The following CARMIL1 variants were observed in gnomAD, a reference collection of about 807,000 sequenced individuals.
The protein encoded by CARMIL1 is capping protein regulator and myosin 1 linker 1, also known as F-actin-uncapping protein LRRC16A.
CARMIL1 carries 90 observed loss-of-function variants against 177.1 expected under a neutral mutation model. The observed-to-expected ratio is 0.51, with a 90% CI of 0.43 to 0.61. The LOEUF (loss-of-function observed/expected upper bound fraction) is 0.61. CARMIL1 is among the 20% of genes least tolerant of loss of function. The pLI, the probability that CARMIL1 is intolerant of heterozygous loss-of-function variation, is 0.00. For missense variants in CARMIL1, 1,380 were observed against 1,667.0 expected, an observed-to-expected ratio of 0.83 and a Z score of 3.00; for synonymous variants, 577 against 606.2, an observed-to-expected ratio of 0.95 and a Z score of 0.71.
chr6:25,443,846 C>T (rs1021151513), intron 5 of CARMIL1, among the ~76,000 whole-genome samples: 2 of 151,662 alleles, frequency 1.3e-5, no homozygotes, highest in Admixed American at 6.6e-5. Context: ...TCTTGTTGCT[C>T]AGGCTAGAGT....
At chr6:25,456,494 T>C (rs1437136738) in intron 8 of CARMIL1, among the ~76,000 whole-genome samples, 1 of 152,172 alleles carries the variant, frequency 6.6e-6, no homozygotes, top group Non-Finnish European at 1.5e-5. Flanking sequence ...AGTTGGCATT[T>C]TATTTAAGTA....
intron 22 of CARMIL1, among the ~76,000 whole-genome samples, chr6:25,518,517 G>A (rs1806235142): frequency 2.0e-5 from 3 of 152,114 alleles, no homozygotes; most frequent in Non-Finnish European, 4.4e-5. Flanking sequence ...TAGGGGTAAG[G>A]CAGCTTAGAC....
intron 2 of CARMIL1, among the ~76,000 whole-genome samples, chr6:25,318,047 G>A (rs1273637592): frequency 6.6e-6 from 1 of 152,186 alleles, no homozygotes; most frequent in Non-Finnish European, 1.5e-5. Flanking sequence ...TTGACCTTGT[G>A]TGAGCATCAG....
intron 5 of CARMIL1, among the ~76,000 whole-genome samples, chr6:25,441,097 C>T (rs1797701741): frequency 6.6e-6 from 1 of 151,998 alleles, no homozygotes; most frequent in African/African-American, 2.4e-5. Flanking sequence ...TCATTCAAAT[C>T]AAATATATGA....
At chr6:25,574,089 A>T (rs1234636916) in intron 29 of CARMIL1, among the ~76,000 whole-genome samples, 2 of 152,162 alleles carry the variant, frequency 1.3e-5, no homozygotes, top group Admixed American at 6.5e-5. Flanking sequence ...CCAAGCTATT[A>T]TGATCTGGTT....
At chr6:25,331,194 C>G (rs1266992039) in intron 2 of CARMIL1, among the ~76,000 whole-genome samples, 1 of 152,132 alleles carries the variant, frequency 6.6e-6, no homozygotes, top group African/African-American at 2.4e-5. Flanking sequence ...GCTGTCAAAA[C>G]AACTTTTCTT....
At chr6:25,511,473 T>A (rs976220739) in intron 20 of CARMIL1, among the ~76,000 whole-genome samples, 7 of 152,170 alleles carry the variant, frequency 4.6e-5, no homozygotes, top group Non-Finnish European at 1.0e-4. Context: ...CCTCTCAAAG[T>A]CCTATTTGGT....
chr6:25,520,184 C>A (rs1582226594), intron 22 of CARMIL1, 60 bp from the exon 23 acceptor site: 1 of 799,594 alleles, frequency 1.3e-6, no homozygotes, highest in Non-Finnish European at 2.0e-6. Flanking sequence ...AAGAAGAGTG[C>A]TGAATTAAGG....
intron 2 of CARMIL1, among the ~76,000 whole-genome samples, chr6:25,350,196 G>A (rs1206981724): frequency 6.6e-6 from 1 of 152,160 alleles, no homozygotes; most frequent in Non-Finnish European, 1.5e-5. Context: ...GAAAGAGGAT[G>A]CAGTATTAAC....
At chr6:25,361,385 T>C (rs1477056647) in intron 2 of CARMIL1, among the ~76,000 whole-genome samples, 1 of 151,168 alleles carries the variant, frequency 6.6e-6, no homozygotes, top group African/African-American at 2.4e-5. Context: ...TTTCCCCCCC[T>C]GCACACTCCT....
chr6:25,407,073 G>A (rs764064728), intron 2 of CARMIL1, among the ~76,000 whole-genome samples: 1 of 152,130 alleles, frequency 6.6e-6, no homozygotes, highest in African/African-American at 2.4e-5. Flanking sequence ...CAGCCGTGAG[G>A]TTGGATTTAG....
intron 2 of CARMIL1, among the ~76,000 whole-genome samples, chr6:25,322,882 G>A (rs1323934874): frequency 2.0e-5 from 3 of 152,088 alleles, no homozygotes; most frequent in African/African-American, 4.8e-5. Context: ...GTGGCATTCC[G>A]CACAGTCTGA....
chr6:25,584,026 CTTTTT>C (rs71544648), intron 31 of CARMIL1, among the ~76,000 whole-genome samples: 2,427 of 119,108 alleles, frequency 0.02, 61 homozygotes, highest in African/African-American at 0.065. Context: ...TTTTCTTTTT[CTTTTT>C]TTTTTTTTTT....
chr6:25,503,466 A>G (rs371002360), intron 17 of CARMIL1, among the ~76,000 whole-genome samples: 6 of 152,170 alleles, frequency 3.9e-5, no homozygotes, highest in African/African-American at 1.4e-4. Flanking sequence ...TCCCCCCAAA[A>G]GTGTTTGGAT....
intron 20 of CARMIL1, among the ~76,000 whole-genome samples, chr6:25,514,284 C>T (rs144314204): frequency 7.2e-5 from 11 of 152,176 alleles, no homozygotes; most frequent in South Asian, 2.1e-4. Flanking sequence ...CGGTGGTTCA[C>T]GCCTGTAATC....
intron 31 of CARMIL1, among the ~76,000 whole-genome samples, chr6:25,583,941 G>A (rs1021467687): frequency 1.5e-4 from 23 of 151,174 alleles, no homozygotes; most frequent in African/African-American, 4.4e-4. Context: ...ACTTGTCTGC[G>A]AAATGGCTTA....
intron 3 of CARMIL1, among the ~76,000 whole-genome samples, chr6:25,421,783 C>G (rs1477931144): frequency 2.7e-4 from 40 of 148,098 alleles, no homozygotes; most frequent in Non-Finnish European, 4.1e-4. Flanking sequence ...AAAAACCAAA[C>G]ACCGCATGTT....
chr6:25,560,490 A>G (rs1315494466), intron 29 of CARMIL1, among the ~76,000 whole-genome samples: 1 of 152,202 alleles, frequency 6.6e-6, no homozygotes, highest in East Asian at 1.9e-4. Context: ...CTTATGTAGT[A>G]CCTGTGACGT....
intron 2 of CARMIL1, among the ~76,000 whole-genome samples, chr6:25,294,534 G>A (rs972088641): frequency 2.1e-4 from 32 of 152,222 alleles, no homozygotes; most frequent in Admixed American, 1.9e-3. Context: ...AAAAGCAAAA[G>A]CCCCCAAAAG....
Sources: gnomAD v4.1 joint callset for allele counts (sites outside exome capture counted in the v4.1 genomes callset) on GRCh38, gnomAD v4.1.1 for gene constraint, MANE v1.5 for transcripts, NCBI Gene and HGNC (gene_info 2026-07-23, HGNC 2026-07-21) for gene names.